The following ZNF260 variants were observed in gnomAD, a reference collection of about 807,000 sequenced individuals.
ZNF260 encodes zfp-260.
ZNF260 carries 21 observed loss-of-function variants against 29.3 expected under a neutral mutation model. The ratio of observed to expected loss-of-function variants is 0.72; its 90% CI spans 0.51 to 1.03. ZNF260 has a LOEUF of 1.03. Ranked by LOEUF, ZNF260 falls within the 50% of genes least tolerant of loss-of-function variation. The pLI, the probability that ZNF260 is intolerant of heterozygous loss-of-function variation, is 0.00. For missense variants in ZNF260, 465 were observed against 487.8 expected (o/e 0.95, Z 0.44); for synonymous variants, 156 against 156.8 (o/e 0.99, Z 0.04).
At chr19:36,523,045 T>G (rs976323809) in intron 2 of ZNF260, among the ~76,000 whole-genome samples, 1 of 152,218 alleles carries the variant, frequency 6.6e-6, no homozygotes. Flanking sequence ...CTACTCAACA[T>G]TTCCACTTGG....
At chr19:36,518,368 C>T (rs1353759421) in intron 2 of ZNF260, among the ~76,000 whole-genome samples, 1 of 152,186 alleles carries the variant, frequency 6.6e-6, no homozygotes, top group Admixed American at 6.5e-5. Flanking sequence ...CAGAAAAACT[C>T]ACCCATATAA....
chr19:36,520,843 G>C, intron 2 of ZNF260, among the ~76,000 whole-genome samples: 1 of 138,072 alleles, frequency 7.2e-6, no homozygotes, highest in Non-Finnish European at 1.5e-5. Flanking sequence ...CTGGGTGACA[G>C]AGCGAGATTC....
At position 36,524,517 on chromosome 19, in the gene ZNF260, G is replaced by GTTTTTT. The variant is rs61184857; in HGVS notation, c.-462+632_-462+637dup. Among the ~76,000 whole-genome samples the GTTTTTT allele has an allele frequency of 1.5e-3, 133 of 90,972 alleles. 8 individuals are homozygous for GTTTTTT. Among genetic ancestry groups the GTTTTTT allele is most frequent in the Admixed American group, 2.8e-3 (25 of 8,776 alleles). 59.7% of individuals were successfully genotyped at this position (90,972 alleles called of 152,430 possible). A position where few individuals can be genotyped will look rare whatever the true frequency, so the allele number is the denominator to read the frequency against. On this transcript the variant is annotated intron_variant, in intron 2 of 2. Coordinates refer to ENST00000523638, the MANE Select transcript of ZNF260 (RefSeq NM_001166037.2). ...TTTAAAGAAAATAACTTACATGCTA[G>GTTTTTT]TTTTTTTTTTTTTTTTTATTGATCA...
chr19:36,526,362 G>A (rs1044774625), intron 1 of ZNF260, among the ~76,000 whole-genome samples: 2 of 151,918 alleles, frequency 1.3e-5, no homozygotes, highest in African/African-American at 4.8e-5. Context: ...CCAAGATGGT[G>A]AAACCCTGTC....
intron 2 of ZNF260, among the ~76,000 whole-genome samples, chr19:36,524,532 T>A (rs922006196): frequency 1.7e-5 from 2 of 121,104 alleles, no homozygotes; most frequent in African/African-American, 5.9e-5. Context: ...TTTTTTTTTT[T>A]TTATTGATCA....
Position 36,513,877 on chromosome 19 carries a change from T to G in ZNF260, c.*123A>C. On this transcript the variant is annotated 3_prime_UTR_variant, in exon 3 of 3. Transcript: ENST00000523638. ...ATTAAACATCATAGTATTTAAGTTT[T>G]GAATTGCTGCTGAAGGACTTCCCAC... 9.1e-7 allele frequency: 1 copy of G among 1,103,582 alleles called. No homozygotes were observed. The highest frequency in any genetic ancestry group is 1.6e-5 in the South Asian group (1 of 62,878). The allele number at this position is 1,103,582 out of a possible 1,614,324, so 68.4% of individuals were successfully genotyped here. A position where few individuals can be genotyped will look rare whatever the true frequency, so the allele number is the denominator to read the frequency against.
chr19:36,525,150 C>T lies in ZNF260; in HGVS notation c.-462+5G>A, dbSNP rs1015405877. 2 of 152,242 alleles carry T rather than the reference C, an allele frequency of 1.3e-5. No individual in the cohort carries two copies. The highest frequency in any genetic ancestry group is 4.8e-5 in the African/African-American group (2 of 41,468). The allele number at this position is 152,242 out of a possible 1,614,324, so 9.4% of individuals were successfully genotyped here. A position where few individuals can be genotyped will look rare whatever the true frequency, so the allele number is the denominator to read the frequency against. ...GCAATAAGTCTTTATCTCATTCATA[C>T]CTACCAGGTTCTTGCTTACTCACAC... On this transcript the variant is annotated splice_donor_5th_base_variant and intron_variant, in intron 2 of 2. Coordinates refer to ENST00000523638, the MANE Select transcript of ZNF260 (RefSeq NM_001166037.2).
At position 36,514,234 on chromosome 19, in the gene ZNF260, C is replaced by A; in HGVS notation, c.1005G>T (p.Lys335Asn). 1 of 1,613,972 alleles carries A rather than the reference C, an allele frequency of 6.2e-7. No individual in the cohort carries two copies. Among genetic ancestry groups the A allele is most frequent in the African/African-American group, 1.3e-5 (1 of 74,978 alleles). The stretch of plus-strand genomic sequence containing the variant: ...TTTGACAGAAGGCTTTCCCACAGAC[C>A]TTACACTCATAAGGCTTATCACCTG... ...IHTGDKPYEC[K>N]VCGKAFCQSS... Residue 335 changes from lysine to asparagine, a missense_variant, in exon 3 of 3, where the codon AAG (lysine) becomes AAT (asparagine). Coordinates refer to ENST00000523638, the MANE Select transcript of ZNF260 (RefSeq NM_001166037.2).
intron 2 of ZNF260, among the ~76,000 whole-genome samples, chr19:36,522,370 C>T (rs201032299): frequency 6.6e-6 from 1 of 151,884 alleles, no homozygotes; most frequent in South Asian, 2.1e-4. Flanking sequence ...GCAGGAGAAT[C>T]GCTTGAACCT....
intron 2 of ZNF260, among the ~76,000 whole-genome samples, chr19:36,520,432 G>A (rs1432866993): frequency 6.6e-6 from 1 of 152,064 alleles, no homozygotes; most frequent in African/African-American, 2.4e-5. Context: ...CATGCAAATA[G>A]AAAACTTAGC....
At chr19:36,520,641 A>G (rs1045463806) in intron 2 of ZNF260, among the ~76,000 whole-genome samples, 16 of 152,272 alleles carry the variant, frequency 1.1e-4, no homozygotes, top group African/African-American at 3.6e-4. Flanking sequence ...TCACAAGGTC[A>G]GGAGATCGAG....
At chr19:36,522,752 G>C (rs1459855060) in intron 2 of ZNF260, among the ~76,000 whole-genome samples, 2 of 152,158 alleles carry the variant, frequency 1.3e-5, no homozygotes, top group African/African-American at 4.8e-5. Context: ...ACCACAACCA[G>C]ATAATAAAGA....
At chr19:36,526,266 C>A (rs1015970082) in intron 1 of ZNF260, among the ~76,000 whole-genome samples, 1 of 152,144 alleles carries the variant, frequency 6.6e-6, no homozygotes, top group African/African-American at 2.4e-5. Flanking sequence ...TAAAGCCAGG[C>A]ATGGTGGCTC....
Position 36,525,359 on chromosome 19 carries a change from T to C in ZNF260, c.-666A>G, listed in dbSNP as rs996933011. 3.3e-5 allele frequency: 5 copies of C among 152,226 alleles called. No homozygotes were observed. The highest frequency in any genetic ancestry group is 9.6e-5 in the African/African-American group (4 of 41,462). 9.4% of individuals were successfully genotyped at this position (152,226 alleles called of 1,614,324 possible). A position where few individuals can be genotyped will look rare whatever the true frequency, so the allele number is the denominator to read the frequency against. On this transcript the variant is annotated 5_prime_UTR_variant, in exon 2 of 3. Coordinates refer to ENST00000523638, the MANE Select transcript of ZNF260 (RefSeq NM_001166037.2). ...AGAGGTTTTGCAGCTCCTGTGGATA[T>C]ACAAGGAAGCAGGCCTGTGAAAAAG...
chr19:36,517,418 AT>A (rs1284564133), intron 2 of ZNF260: 4 of 152,280 alleles, frequency 2.6e-5, no homozygotes, highest in African/African-American at 4.8e-5. Flanking sequence ...GTATTAGGAA[AT>A]TTTGGAAAGA....
intron 2 of ZNF260, chr19:36,517,293 G>C (rs976470286): frequency 1.7e-4 from 26 of 152,680 alleles, no homozygotes; most frequent in African/African-American, 5.8e-4. Flanking sequence ...TACTTGGGAG[G>C]TTGAAGTAGG....
At position 36,514,849 on chromosome 19, in the gene ZNF260, A is replaced by G; in HGVS notation, c.390T>C (p.His130=). 6.2e-7 allele frequency: 1 copy of G among 1,613,978 alleles called. No homozygotes were observed. The highest frequency in any genetic ancestry group is 2.2e-5 in the East Asian group (1 of 44,842). The change falls in exon 3 of 3, where the codon CAT becomes CAC. Residue 130 remains histidine (H), a synonymous_variant. Transcript: ENST00000523638. ...TACATGCATAGGGTTTGGTTCCTGTATGATTTTTCTGGTGTCTGATGATGG... is the reference window on the plus strand; with the variant it reads ...TACATGCATAGGGTTTGGTTCCTGTGTGATTTTTCTGGTGTCTGATGATGG... The part of the protein sequence containing the change: ...MPTIIRHQKN[H]TGTKPYACKE...
At chr19:36,522,182 C>T (rs2034656992) in intron 2 of ZNF260, among the ~76,000 whole-genome samples, 1 of 151,778 alleles carries the variant, frequency 6.6e-6, no homozygotes, top group African/African-American at 2.4e-5. Context: ...ACGCCAGGCT[C>T]GGTGGCTCAC....
Position 36,514,801 on chromosome 19 carries a change from G to A in ZNF260, c.438C>T (p.Asn146=), listed in dbSNP as rs149023524. 1.9e-4 allele frequency: 314 copies of A among 1,613,758 alleles called. No individual in the cohort carries two copies. In the African/African-American group the frequency reaches 3.5e-3, roughly 18 times the overall value. The change falls in exon 3 of 3, where the codon AAC becomes AAT. Residue 146 remains asparagine (N), a synonymous_variant. Transcript: ENST00000523638. ...YACKECGKAF[N]GKAYLTEHEK... is the part of the protein sequence containing the mutation. ...CATGCTCAGTGAGATATGCTTTGCC[G>A]TTAAAGGCTTTGCCACATTCCTTAC...
Sources: allele counts gnomAD v4.1 joint callset (sites outside exome capture counted in the v4.1 genomes callset), GRCh38; gene constraint gnomAD v4.1.1; transcripts MANE v1.5; gene names NCBI Gene and HGNC (gene_info 2026-07-23, HGNC 2026-07-21).